EPS8L1: variants seen among roughly 807,000 people sequenced by gnomAD.
The protein encoded by EPS8L1 is EPS8 signaling adaptor L1.
In EPS8L1, 101 loss-of-function variants were observed where a neutral mutation model predicts 91.7. The observed-to-expected ratio is 1.10, with a 90% CI of 0.94 to 1.30. The LOEUF is 1.30. EPS8L1 is among the 50% of genes most tolerant of loss of function. The pLI, the probability that EPS8L1 is intolerant of heterozygous loss-of-function variation, is 0.00. For synonymous variants in EPS8L1, 506 were observed against 445.3 expected (o/e 1.14, Z -1.72); for missense variants, 1,114 against 1,017.0 (o/e 1.10, Z -1.30).
rs368937566 is a variant in EPS8L1 at position 55,081,879 on chromosome 19, G to A, written c.881G>A (p.Ser294Asn). The A allele has an allele frequency of 4.4e-6, 7 of 1,608,368 alleles. No individual in the cohort carries two copies. The Admixed American group carries it at 8.4e-5, about 19-fold the overall frequency. ...GAGCACCGGGAACGCGGCCGCAGGA[G>A]CCGGCGCCGGGCGGCTGGGGGTAAG... is the stretch of plus-strand genomic sequence containing the variant. Reference protein sequence around the residue: ...VLEHRERGRRSRRRAAGEGLL... With the variant: ...VLEHRERGRRNRRRAAGEGLL... The change falls in exon 9 of 20, where the codon AGC becomes AAC. Residue 294 changes from serine to asparagine, a missense_variant. Physicochemically the swap from Ser to Asn is conservative, Grantham distance 46. Coordinates refer to ENST00000201647, the MANE Select transcript of EPS8L1 (RefSeq NM_133180.3). The surrounding 1 kb of genome is among the most constrained non-coding windows in gnomAD (Gnocchi z 4.9).
At chr19:55,086,637 C>CCCCCCCCCCCCCCCCCCGGGGCCCCCGAA in intron 17 of EPS8L1, 77 bp from the exon 18 acceptor site, 1 of 1,374,366 alleles carries the variant, frequency 7.3e-7, no homozygotes, top group Non-Finnish European at 1.0e-6. Flanking sequence ...GCTGGAGCGC[C>CCCCCCCCCCCCCCCCCCGGGGCCCCCGAA]CCCCCGCCCC....
rs182956506 is a variant in EPS8L1 at position 55,079,482 on chromosome 19, G to A, written c.118-208G>A. The A allele has an allele frequency of 2.4e-5, 15 of 631,300 alleles. No homozygotes were observed. In the Admixed American group the frequency reaches 4.3e-4, roughly 18 times the overall value. The allele number at this position is 631,300 out of a possible 1,614,324, so 39.1% of individuals were successfully genotyped here. A position where few individuals can be genotyped will look rare whatever the true frequency, so the allele number is the denominator to read the frequency against. ...TGCCCGCAAGGAGCCTCCAGTCTGT[G>A]AGAAGCCAGACTCAGGTGCTAGTCA... On this transcript the variant is annotated intron_variant, in intron 4 of 19. Coordinates refer to ENST00000201647, the MANE Select transcript of EPS8L1 (RefSeq NM_133180.3).
Position 55,081,359 on chromosome 19 carries a change from C to A in EPS8L1, c.641C>A (p.Ala214Glu). The change falls in exon 8 of 20, where the codon GCG (alanine) becomes GAG (glutamate). Residue 214 changes from alanine (A) to glutamate (E), a missense_variant. Physicochemically the swap from Ala to Glu is moderately radical, Grantham distance 107 (BLOSUM62 -1). Transcript: ENST00000201647. This position sits in a 1 kb window ranked among gnomAD's most constrained non-coding sequence, Gnocchi z 4.9. Reference sequence around the variant, plus strand: ...GGCGCGGGCCGCGGACGACCCCAGGCGAAGCCCATTCCCGAGGCAGAGGAG... The same window carrying A: ...GGCGCGGGCCGCGGACGACCCCAGGAGAAGCCCATTCCCGAGGCAGAGGAG... ...ERGAGRGRPQ[A>E]KPIPEAEEAQ... 6.4e-7 allele frequency: 1 copy of A among 1,567,932 alleles called. No homozygotes were observed. The highest frequency in any genetic ancestry group is 8.6e-7 in the Non-Finnish European group (1 of 1,160,546).
At position 55,078,092 on chromosome 19, in the gene EPS8L1, G is replaced by A; in HGVS notation, c.22G>A (p.Glu8Lys). The A allele has an allele frequency of 1.2e-6, 2 of 1,613,826 alleles. No homozygotes were observed. The highest frequency in any genetic ancestry group is 1.3e-5 in the African/African-American group (1 of 75,000). MSTATGPEAAPKPSAKSI... is the reference protein window; with the variant it reads MSTATGPKAAPKPSAKSI... The stretch of plus-strand genomic sequence containing the variant: ...CATTCCTCTTTTCTTCACCAGCCCA[G>A]AAGCTGCCCCAAAGCCAAGCGCCAA... The change falls in exon 3 of 20, where the codon GAA (glutamate) becomes AAA (lysine). Residue 8 changes from glutamate to lysine, a missense_variant. Glu to Lys is a moderately conservative substitution (Grantham distance 56). Coordinates refer to ENST00000201647, the MANE Select transcript of EPS8L1 (RefSeq NM_133180.3).
chr19:55,082,957 A>G (rs1399835037), intron 12 of EPS8L1, among the ~76,000 whole-genome samples: 1 of 152,188 alleles, frequency 6.6e-6, no homozygotes, highest in East Asian at 1.9e-4. Flanking sequence ...GAGTCTGTGC[A>G]CTGCGGGCTG....
rs397766751 is a variant in EPS8L1, at chr19:55,086,635, G to GCC, written c.1778-73_1778-72dup. 10,294 of 1,306,252 alleles carry GCC rather than the reference G, an allele frequency of 7.9e-3. 241 individuals are homozygous for GCC. Among genetic ancestry groups the GCC allele is most frequent in the African/African-American group, 0.068 (4,648 of 67,938 alleles). The allele number at this position is 1,306,252 out of a possible 1,614,324, so 80.9% of individuals were successfully genotyped here. On this transcript the variant is annotated intron_variant, in intron 17 of 19. Transcript: ENST00000201647. The stretch of plus-strand genomic sequence containing the variant: ...CGTCCCATTCTGGGGACGCTGGAGC[G>GCC]CCCCCCCGCCCCGCCCTCTGGCCCC...
chr19:55,078,176 G>C (rs10411094), intron 3 of EPS8L1, 48 bp downstream of exon 3: 1 of 1,584,074 alleles, frequency 6.3e-7, no homozygotes, highest in African/African-American at 1.4e-5. Context: ...TGGGTCTAAA[G>C]AAACAGGACC....
chr19:55,086,773 C>A lies in EPS8L1; in HGVS notation c.1837C>A (p.Arg613Ser). 6.2e-7 allele frequency: 1 copy of A among 1,609,670 alleles called. No individual in the cohort carries two copies. Among genetic ancestry groups the A allele is most frequent in the Non-Finnish European group, 8.5e-7 (1 of 1,178,756 alleles). ...ACTGCAGGCGCGCCTGGCCCAGGGCCGCTCGGGACCGAGCCGCGCAGTCCC... is the reference window on the plus strand; with the variant it reads ...ACTGCAGGCGCGCCTGGCCCAGGGCAGCTCGGGACCGAGCCGCGCAGTCCC... ...EELQARLAQG[R>S]SGPSRAVPGP... Residue 613 changes from arginine (R) to serine (S), a missense_variant, in exon 18 of 20, where the codon CGC becomes AGC. Transcript: ENST00000201647.
chr19:55,086,715 G>T lies in EPS8L1; in HGVS notation c.1779G>T (p.Glu593Asp), dbSNP rs2076356345. Reference sequence around the variant, plus strand: ...TACCTCCCGGTTTCCCGCCTGCAGAGAAATTCTCCCAGATGCTCATCGTCA... The same window carrying T: ...TACCTCCCGGTTTCCCGCCTGCAGATAAATTCTCCCAGATGCTCATCGTCA... ...SLNGLDPSEK[E>D]KFSQMLIVNE... The change falls in exon 18 of 20, where the codon GAG becomes GAT. Residue 593 changes from glutamate (E) to aspartate (D), a missense_variant and splice_region_variant. Coordinates refer to ENST00000201647, the MANE Select transcript of EPS8L1 (RefSeq NM_133180.3). The T allele has an allele frequency of 6.3e-7, 1 of 1,594,204 alleles. No homozygotes were observed. The highest frequency in any genetic ancestry group is 8.6e-7 in the Non-Finnish European group (1 of 1,168,556).
chr19:55,082,645 G>A, intron 12 of EPS8L1, 43 bp downstream of exon 12: 1 of 1,524,164 alleles, frequency 6.6e-7, no homozygotes, highest in Non-Finnish European at 8.8e-7. Context: ...GTGATTGGAG[G>A]AGCATAAGGC....
At position 55,081,646 on chromosome 19, in the gene EPS8L1, G is replaced by A. The variant is rs2076264783; in HGVS notation, c.775-127G>A. ...TGGGTCGGGGGCGGGGCTTGGTTGTGGGGCGTGGCCAGGTGTTTGGGGCGT... is the reference window on the plus strand; with the variant it reads ...TGGGTCGGGGGCGGGGCTTGGTTGTAGGGCGTGGCCAGGTGTTTGGGGCGT... On this transcript the variant is annotated intron_variant, in intron 8 of 19. Coordinates refer to ENST00000201647, the MANE Select transcript of EPS8L1 (RefSeq NM_133180.3). The surrounding 1 kb of genome is among the most constrained non-coding windows in gnomAD (Gnocchi z 4.9). 1 of 1,458,130 alleles carries A rather than the reference G, an allele frequency of 6.9e-7. No individual in the cohort carries two copies. The highest frequency in any genetic ancestry group is 1.4e-5 in the African/African-American group (1 of 70,442). The allele number at this position is 1,458,130 out of a possible 1,614,324, so 90.3% of individuals were successfully genotyped here.
intron 17 of EPS8L1, 61 bp from the exon 18 acceptor site, chr19:55,086,653 C>CT: frequency 1.5e-5 from 22 of 1,445,456 alleles, no homozygotes; most frequent in Middle Eastern, 2.1e-4. Context: ...GCCCCGCCCT[C>CT]TGGCCCCAGG....
rs760265716 is a variant in EPS8L1, at chr19:55,083,502, G to C, written c.1339G>C (p.Glu447Gln). ...EDPVEKQLQHERRRRQQSAPQ... is the reference protein window; with the variant it reads ...EDPVEKQLQHQRRRRQQSAPQ... Reference sequence around the variant, plus strand: ...CCCAGTTGAGAAACAGCTACAGCACGAGCGGAGGCGCCGGCAGGTGACCCA... The same window carrying C: ...CCCAGTTGAGAAACAGCTACAGCACCAGCGGAGGCGCCGGCAGGTGACCCA... Residue 447 changes from glutamate to glutamine, a missense_variant, in exon 13 of 20, where the codon GAG becomes CAG. By Grantham distance (29) the Glu-to-Gln change is conservative. Coordinates refer to ENST00000201647, the MANE Select transcript of EPS8L1 (RefSeq NM_133180.3). The surrounding 1 kb of genome is among the most constrained non-coding windows in gnomAD (Gnocchi z 4.7). 3 of 1,611,162 alleles carry C rather than the reference G, an allele frequency of 1.9e-6. No homozygotes were observed. Among genetic ancestry groups the C allele is most frequent in the African/African-American group, 1.3e-5 (1 of 74,918 alleles).
chr19:55,086,779 G>A lies in EPS8L1; in HGVS notation c.1843G>A (p.Gly615Arg), dbSNP rs1239174574. 4 of 1,608,508 alleles carry A rather than the reference G, an allele frequency of 2.5e-6. No homozygotes were observed. Among genetic ancestry groups the A allele is most frequent in the South Asian group, 2.2e-5 (2 of 90,614 alleles). ...LQARLAQGRSGPSRAVPGPRA... is the reference protein window; with the variant it reads ...LQARLAQGRSRPSRAVPGPRA... ...GGCGCGCCTGGCCCAGGGCCGCTCG[G>A]GACCGAGCCGCGCAGTCCCAGGGCC... The change falls in exon 18 of 20, where the codon GGA (glycine) becomes AGA (arginine). Residue 615 changes from glycine (G) to arginine (R), a missense_variant. Physicochemically the swap from Gly to Arg is moderately radical, Grantham distance 125. Coordinates refer to ENST00000201647, the MANE Select transcript of EPS8L1 (RefSeq NM_133180.3).
Position 55,085,917 on chromosome 19 carries a change from G to C in EPS8L1, c.1462G>C (p.Asp488His). The stretch of plus-strand genomic sequence containing the variant: ...AGGAAAATGGGTCCTGTGTAATTAT[G>C]ACTTCCAGGCCCGCAACAGCAGTGA... ...TAGKWVLCNY[D>H]FQARNSSELS... is the part of the protein sequence containing the mutation. Residue 488 changes from aspartate (D) to histidine (H), a missense_variant, in exon 15 of 20, where the codon GAC becomes CAC. Coordinates refer to ENST00000201647, the MANE Select transcript of EPS8L1 (RefSeq NM_133180.3). 1 of 1,613,828 alleles carries C rather than the reference G, an allele frequency of 6.2e-7. No individual in the cohort carries two copies. Among genetic ancestry groups the C allele is most frequent in the East Asian group, 2.2e-5 (1 of 44,834 alleles).
At chr19:55,082,213 G>C in intron 10 of EPS8L1, 33 bp downstream of exon 10, 3 of 1,590,932 alleles carry the variant, frequency 1.9e-6, no homozygotes, top group Non-Finnish European at 2.6e-6. Context: ...GCCGGGGCGC[G>C]GGCACGACGA....
At chr19:55,084,457 T>G (rs1427566740) in intron 14 of EPS8L1, 1 of 150,920 alleles carries the variant, frequency 6.6e-6, no homozygotes, top group Non-Finnish European at 1.5e-5. Flanking sequence ...CTTGAGCAAA[T>G]AGAGGGCAGA....
chr19:55,079,881 G>A (rs751157641), intron 5 of EPS8L1, 30 bp downstream of exon 5: 2 of 1,587,668 alleles, frequency 1.3e-6, no homozygotes, highest in Admixed American at 1.8e-5. Context: ...TGGGAGGAGT[G>A]TCTGGGGCAG....
At chr19:55,078,171 C>G in intron 3 of EPS8L1, 43 bp downstream of exon 3, 1 of 1,598,902 alleles carries the variant, frequency 6.3e-7, no homozygotes, top group Non-Finnish European at 8.6e-7. Context: ...AGAACTGGGT[C>G]TAAAGAAACA....
Sources: allele counts gnomAD v4.1 joint callset (sites outside exome capture counted in the v4.1 genomes callset), GRCh38; gene constraint gnomAD v4.1.1; non-coding constraint Gnocchi (gnomAD v3.1); transcripts MANE v1.5; gene names NCBI Gene and HGNC (gene_info 2026-07-23, HGNC 2026-07-21).